The following NAALADL2 variants were observed in gnomAD, a reference collection of about 807,000 sequenced individuals.
NAALADL2 encodes N-acetylated alpha-linked acidic dipeptidase like 2, also known as inactive N-acetylated-alpha-linked acidic dipeptidase-like protein 2.
A neutral mutation model predicts 87.2 loss-of-function variants in NAALADL2; 76 were observed. The ratio of observed to expected loss-of-function variants is 0.87; its 90% confidence interval spans 0.72 to 1.05. The LOEUF (loss-of-function observed/expected upper bound fraction) is 1.05, where lower values mean the gene tolerates loss of function less well. Among genes scored for constraint, NAALADL2 ranks in the 50% least tolerant of loss-of-function variants. The probability of loss-of-function intolerance (pLI) is 0.00; values close to 1 mark genes in which losing one functional copy is unlikely to be tolerated. For synonymous variants in NAALADL2, 354 were observed against 331.0 expected, an observed-to-expected ratio of 1.07 and a Z score of -0.75; for missense variants, 1,089 against 945.8, an observed-to-expected ratio of 1.15 and a Z score of -1.99.
Position 175,779,208 on chromosome 3 carries a change from C to CT in NAALADL2, c.2189+23793dup, listed in dbSNP as rs1322773814. Reference sequence around the variant, plus strand: ...TTTCACATAGGAATTTAATCTCCTGCTTTCAGGAAGAAAAAGGAAGTTCAG... The same window carrying CT: ...TTTCACATAGGAATTTAATCTCCTGCTTTTCAGGAAGAAAAAGGAAGTTCAG... On this transcript the variant is annotated intron_variant, in intron 13 of 13. Transcript: ENST00000454872. 4.6e-5 allele frequency among the ~76,000 whole-genome samples: 7 copies of CT among 152,134 alleles called. No homozygotes were observed. In the East Asian group the frequency reaches 1.3e-3, roughly 29 times the overall value.
intron 9 of NAALADL2, among the ~76,000 whole-genome samples, chr3:175,558,811 G>C (rs983015649): frequency 6.6e-6 from 1 of 152,098 alleles, no homozygotes; most frequent in Non-Finnish European, 1.5e-5. Context: ...GTACCATAAT[G>C]TTTTCATTAC....
intron 2 of NAALADL2, among the ~76,000 whole-genome samples, chr3:174,677,940 G>A (rs1051716088): frequency 2.6e-5 from 4 of 152,062 alleles, no homozygotes; most frequent in Non-Finnish European, 4.4e-5. Flanking sequence ...AAGGACACTT[G>A]TTTATAATAT....
chr3:175,145,674 C>T (rs1730644293), intron 2 of NAALADL2, among the ~76,000 whole-genome samples: 1 of 138,576 alleles, frequency 7.2e-6, no homozygotes, highest in Non-Finnish European at 1.6e-5. Context: ...TGTCTTGATA[C>T]TTCTGTGTAT....
intron 1 of NAALADL2, among the ~76,000 whole-genome samples, chr3:175,023,026 C>T (rs1180842504): frequency 6.6e-6 from 1 of 152,038 alleles, no homozygotes; most frequent in African/African-American, 2.4e-5. Context: ...TTTTCTTTCT[C>T]TGGTTGGTCG....
chr3:174,509,662 G>C (rs373584913), intron 1 of NAALADL2, among the ~76,000 whole-genome samples: 18 of 133,580 alleles, frequency 1.3e-4, no homozygotes, highest in Non-Finnish European at 1.2e-4. Context: ...TCCTGACCTC[G>C]TAATCCGCCC....
chr3:175,321,949 G>A (rs1178493613), intron 4 of NAALADL2, among the ~76,000 whole-genome samples: 13 of 151,010 alleles, frequency 8.6e-5, no homozygotes, highest in African/African-American at 3.2e-4. Flanking sequence ...TCCCCATCAA[G>A]CTACCAATGA....
At chr3:175,042,003 G>A (rs561471061) in intron 1 of NAALADL2, among the ~76,000 whole-genome samples, 1 of 152,188 alleles carries the variant, frequency 6.6e-6, no homozygotes, top group East Asian at 1.9e-4. Flanking sequence ...TAGTCAGCAT[G>A]CTGTACATTA....
At chr3:175,021,656 T>C (rs1751577401) in intron 1 of NAALADL2, among the ~76,000 whole-genome samples, 1 of 152,126 alleles carries the variant, frequency 6.6e-6, no homozygotes, top group African/African-American at 2.4e-5. Flanking sequence ...GAGCCCAGCC[T>C]TTCTTATCTG....
intron 1 of NAALADL2, among the ~76,000 whole-genome samples, chr3:175,075,902 T>C (rs1215197899): frequency 6.6e-6 from 1 of 152,154 alleles, no homozygotes. Flanking sequence ...GGGTAGTAGG[T>C]ACACAGGTGC....
intron 1 of NAALADL2, among the ~76,000 whole-genome samples, chr3:174,995,237 A>G (rs972174439): frequency 1.8e-4 from 27 of 152,186 alleles, no homozygotes; most frequent in African/African-American, 6.5e-4. Context: ...ATGTAGACTA[A>G]TCTACACAGC....
chr3:175,489,750 C>T (rs565704195), intron 9 of NAALADL2, among the ~76,000 whole-genome samples: 24 of 152,214 alleles, frequency 1.6e-4, no homozygotes, highest in South Asian at 1.5e-3. Context: ...AGATGGGATA[C>T]ACAGTCTTCT....
chr3:175,513,984 G>A (rs1197786820), intron 9 of NAALADL2, among the ~76,000 whole-genome samples: 1 of 152,136 alleles, frequency 6.6e-6, no homozygotes, highest in Non-Finnish European at 1.5e-5. Context: ...TCAACCACAG[G>A]GCAATCTACA....
chr3:175,575,405 C>T (rs1433781068), intron 9 of NAALADL2, among the ~76,000 whole-genome samples: 1 of 152,094 alleles, frequency 6.6e-6, no homozygotes, highest in Non-Finnish European at 1.5e-5. Flanking sequence ...CTGCTTCATC[C>T]TGCTGAATAG....
chr3:175,047,920 T>C (rs1419045249), intron 1 of NAALADL2, among the ~76,000 whole-genome samples: 1 of 152,156 alleles, frequency 6.6e-6, no homozygotes, highest in Admixed American at 6.5e-5. Context: ...TTGTTTAGAG[T>C]GCAGAGGGCA....
intron 3 of NAALADL2, among the ~76,000 whole-genome samples, chr3:174,805,962 C>A (rs73174759): frequency 0.12 from 18,735 of 152,142 alleles, 1,382 homozygotes; most frequent in Non-Finnish European, 0.15. Flanking sequence ...TAACTTTGTT[C>A]TTGACTATGT....
chr3:174,971,372 A>G (rs563762142), intron 1 of NAALADL2, among the ~76,000 whole-genome samples: 3 of 152,316 alleles, frequency 2.0e-5, no homozygotes, highest in Admixed American at 2.0e-4. Context: ...TGGTGTCCTT[A>G]AGCATTTGCT....
At chr3:174,520,157 G>A (rs1720186372) in intron 1 of NAALADL2, among the ~76,000 whole-genome samples, 1 of 151,858 alleles carries the variant, frequency 6.6e-6, no homozygotes, top group Admixed American at 6.6e-5. Context: ...ATCTACAGAT[G>A]CAATGCAATT....
At chr3:174,882,783 ATGTGTATATATACACG>A (rs1729533434) in intron 1 of NAALADL2, among the ~76,000 whole-genome samples, 7 of 106,402 alleles carry the variant, frequency 6.6e-5, no homozygotes, top group East Asian at 3.3e-4. Flanking sequence ...ATATATACAT[ATGTGTATATATACACG>A]TGTGTATATG....
chr3:175,619,221 A>AAGAG (rs1379524406), intron 10 of NAALADL2, among the ~76,000 whole-genome samples: 13 of 132,780 alleles, frequency 9.8e-5, no homozygotes, highest in African/African-American at 3.4e-4. Flanking sequence ...AAAAGAGAGA[A>AAGAG]AGAGAGAAAG....
Sources: gnomAD v4.1 joint callset for allele counts (sites outside exome capture counted in the v4.1 genomes callset) on GRCh38, gnomAD v4.1.1 for gene constraint, MANE v1.5 for transcripts, NCBI Gene and HGNC (gene_info 2026-07-23, HGNC 2026-07-21) for gene names.